The following RASGRF2 variants were observed in gnomAD, a reference collection of about 807,000 sequenced individuals.
RASGRF2 encodes the protein ras-specific guanine nucleotide-releasing factor 2.
RASGRF2 carries 76 observed loss-of-function variants against 151.0 expected under a neutral mutation model. That is an observed-to-expected ratio of 0.50 (90% CI 0.42 to 0.61). The LOEUF (loss-of-function observed/expected upper bound fraction) is 0.61, where lower values mean the gene tolerates loss of function less well. Among genes scored for constraint, RASGRF2 ranks in the 20% least tolerant of loss-of-function variants. RASGRF2 has a pLI of 0.00. For synonymous variants in RASGRF2, 504 were observed against 566.5 expected (o/e 0.89, Z 1.57); for missense variants, 1,148 against 1,564.6 (o/e 0.73, Z 4.49).
At chr5:80,972,273 A>G (rs1269268258) in intron 1 of RASGRF2, among the ~76,000 whole-genome samples, 1 of 152,228 alleles carries the variant, frequency 6.6e-6, no homozygotes, top group Non-Finnish European at 1.5e-5. Flanking sequence ...TAGTTTTCCA[A>G]GATAGTTCTA....
chr5:81,000,372 G>C (rs1035280930), intron 1 of RASGRF2, among the ~76,000 whole-genome samples: 1 of 152,174 alleles, frequency 6.6e-6, no homozygotes, highest in South Asian at 2.1e-4. Flanking sequence ...CTCCTGAGTA[G>C]TTAGGATTAC....
chr5:81,114,323 T>C (rs1436787600), intron 15 of RASGRF2, among the ~76,000 whole-genome samples: 2 of 152,202 alleles, frequency 1.3e-5, no homozygotes, highest in African/African-American at 4.8e-5. Context: ...CCTCCTCCCT[T>C]ATTTGCCTTA....
At chr5:81,202,418 C>T (rs1222834570) in intron 19 of RASGRF2, among the ~76,000 whole-genome samples, 1 of 152,172 alleles carries the variant, frequency 6.6e-6, no homozygotes, top group Non-Finnish European at 1.5e-5. Flanking sequence ...TATTTTAGCT[C>T]AGTCCATGTT....
chr5:81,217,574 CTTTTTTTTTTTTT>C, intron 25 of RASGRF2, 101 bp downstream of exon 25: 5 of 179,728 alleles, frequency 2.8e-5, no homozygotes, highest in Non-Finnish European at 4.2e-5. Context: ...TTTTTCTCTT[CTTTTTTTTTTTTT>C]TTTTTTTTTT....
At chr5:81,187,255 T>C (rs980043890) in intron 18 of RASGRF2, among the ~76,000 whole-genome samples, 2 of 152,236 alleles carry the variant, frequency 1.3e-5, no homozygotes, top group Non-Finnish European at 2.9e-5. Context: ...ATGCAGCTAA[T>C]TGATCACTTG....
chr5:81,024,249 A>ATTTTTTTTTTTTTTTTTTTTTTTTTTTT (rs397884951), intron 1 of RASGRF2, among the ~76,000 whole-genome samples: 6 of 71,684 alleles, frequency 8.4e-5, no homozygotes, highest in African/African-American at 1.3e-4. Flanking sequence ...TATTCATATA[A>ATTTTTTTTTTTTTTTTTTTTTTTTTTTT]TTTTTTTTTT....
chr5:80,990,551 G>A (rs11741039), intron 1 of RASGRF2, among the ~76,000 whole-genome samples: 31,306 of 152,118 alleles, frequency 0.21, 3,895 homozygotes, highest in Middle Eastern at 0.4. Context: ...GCTGGCTTCT[G>A]TTAGGAGCTC....
intron 17 of RASGRF2, among the ~76,000 whole-genome samples, chr5:81,178,545 G>A (rs1357693090): frequency 6.6e-6 from 1 of 152,346 alleles, no homozygotes; most frequent in Admixed American, 6.5e-5. Context: ...TAATTTGCTT[G>A]TAGGTAATCA....
chr5:81,011,105 G>C (rs947586269), intron 1 of RASGRF2, among the ~76,000 whole-genome samples: 1 of 152,122 alleles, frequency 6.6e-6, no homozygotes, highest in African/African-American at 2.4e-5. Context: ...AAAATATATG[G>C]ATAAGAAGAT....
chr5:80,965,284 CTAAT>C (rs575735417), intron 1 of RASGRF2, among the ~76,000 whole-genome samples: 103 of 152,094 alleles, frequency 6.8e-4, no homozygotes, highest in South Asian at 6.4e-3. Flanking sequence ...TTCACGTTGT[CTAAT>C]TATAACCAAC....
chr5:81,019,806 A>G (rs985015999), intron 1 of RASGRF2, among the ~76,000 whole-genome samples: 1 of 152,264 alleles, frequency 6.6e-6, no homozygotes, highest in African/African-American at 2.4e-5. Flanking sequence ...AGTTTTGAAA[A>G]TTGAATAAAT....
chr5:81,180,176 C>T lies in RASGRF2; in HGVS notation c.2688C>T (p.Gly896=), dbSNP rs375516868. The change falls in exon 18 of 27, where the codon GGC becomes GGT. Residue 896 remains glycine (G), a splice_region_variant and synonymous_variant. Coordinates refer to ENST00000265080, the MANE Select transcript of RASGRF2 (RefSeq NM_006909.3). ...TAAAGHGSPP[G]FNNTERTCDK... ...GTGTGTGTTTCTTTTTCTCCTAAGG[C>T]TTTAACAACACCGAGAGAACATGTG... 6.3e-7 allele frequency: 1 copy of T among 1,590,544 alleles called. No individual in the cohort carries two copies. Among genetic ancestry groups the T allele is most frequent in the African/African-American group, 1.3e-5 (1 of 74,360 alleles).
At chr5:80,990,203 A>AT (rs1336466328) in intron 1 of RASGRF2, among the ~76,000 whole-genome samples, 1 of 150,262 alleles carries the variant, frequency 6.7e-6, no homozygotes, top group African/African-American at 2.4e-5. Context: ...CCTCTTACTA[A>AT]TTTGACTGCC....
chr5:81,175,542 T>C (rs1046408460), intron 17 of RASGRF2, among the ~76,000 whole-genome samples: 2 of 151,948 alleles, frequency 1.3e-5, no homozygotes, highest in Non-Finnish European at 2.9e-5. Flanking sequence ...TCACCTGAGG[T>C]TGGGAGTTCG....
At chr5:81,190,749 G>C (rs1015036116) in intron 18 of RASGRF2, among the ~76,000 whole-genome samples, 10 of 152,124 alleles carry the variant, frequency 6.6e-5, no homozygotes, top group African/African-American at 2.4e-4. Context: ...CTTACAGTGA[G>C]ACATTTACAG....
intron 17 of RASGRF2, among the ~76,000 whole-genome samples, chr5:81,133,934 A>AG (rs1753687117): frequency 6.6e-6 from 1 of 152,042 alleles, no homozygotes; most frequent in Non-Finnish European, 1.5e-5. Flanking sequence ...TTGGGCTTGG[A>AG]TCGGTTTTTT....
intron 9 of RASGRF2, chr5:81,088,537 C>T (rs910748663): frequency 4.6e-5 from 7 of 151,950 alleles, no homozygotes; most frequent in Admixed American, 1.3e-4. Context: ...GGAAAATGGG[C>T]GTTGAATTAA....
intron 9 of RASGRF2, among the ~76,000 whole-genome samples, chr5:81,092,597 A>T (rs925315760): frequency 2.6e-5 from 4 of 152,192 alleles, no homozygotes; most frequent in African/African-American, 9.7e-5. Context: ...GTTTCACAAA[A>T]ATATTAGGAA....
rs185485786 is a variant in RASGRF2, at chr5:81,125,032, C to T, written c.2596+1265C>T. Among the ~76,000 whole-genome samples, 23 of 152,188 alleles carry T rather than the reference C, an allele frequency of 1.5e-4. No individual in the cohort carries two copies. The East Asian group carries it at 3.1e-3, about 20-fold the overall frequency. ...CCTCCCGAGTAGCCAGGATTACAGC[C>T]GTGGGCCACCACGCCCAGCAGTTTT... is the stretch of plus-strand genomic sequence containing the variant. On this transcript the variant is annotated intron_variant, in intron 16 of 26. Coordinates refer to ENST00000265080, the MANE Select transcript of RASGRF2 (RefSeq NM_006909.3).
Sources: gnomAD v4.1 joint callset for allele counts (sites outside exome capture counted in the v4.1 genomes callset) on GRCh38, gnomAD v4.1.1 for gene constraint, MANE v1.5 for transcripts, NCBI Gene and HGNC (gene_info 2026-07-23, HGNC 2026-07-21) for gene names.